Variants in ANKRD17 observed in about 807,000 individuals in gnomAD.
The protein encoded by ANKRD17 is ankyrin repeat domain 17.
Under a neutral mutation model 229.7 loss-of-function variants are expected in ANKRD17, and 19 were observed. That is an observed-to-expected ratio of 0.08 (90% CI 0.06 to 0.12). The LOEUF (loss-of-function observed/expected upper bound fraction) is 0.12, where lower values mean the gene tolerates loss of function less well. ANKRD17 is among the 10% of genes least tolerant of loss of function. The probability of loss-of-function intolerance (pLI) is 1.00; values close to 1 mark genes in which losing one functional copy is unlikely to be tolerated. For missense variants in ANKRD17, 2,176 were observed against 3,176.8 expected, an observed-to-expected ratio of 0.68 and a Z score of 7.57; for synonymous variants, 1,112 against 1,146.1, an observed-to-expected ratio of 0.97 and a Z score of 0.60.
At chr4:73,216,458 G>A (rs1161524082) in intron 1 of ANKRD17, among the ~76,000 whole-genome samples, 3 of 152,134 alleles carry the variant, frequency 2.0e-5, no homozygotes, top group Non-Finnish European at 4.4e-5. Flanking sequence ...AATAATCCCT[G>A]ACGCTCAAAT....
chr4:73,126,277 G>A lies in ANKRD17; in HGVS notation c.3235-965C>T, dbSNP rs1727457261. 2.0e-5 allele frequency among the ~76,000 whole-genome samples: 3 copies of A among 152,092 alleles called. No homozygotes were observed. The South Asian group carries it at 6.2e-4, about 32-fold the overall frequency. The stretch of plus-strand genomic sequence containing the variant: ...TGCATGAGGAAATTATCCCAGGCCA[G>A]GAAAGGACCACCAGAGAGAGTCAGG... On this transcript the variant is annotated intron_variant, in intron 16 of 33. Transcript: ENST00000358602.
intron 1 of ANKRD17, among the ~76,000 whole-genome samples, chr4:73,237,390 C>T (rs992392046): frequency 6.6e-5 from 10 of 152,222 alleles, no homozygotes; most frequent in African/African-American, 2.2e-4. Context: ...TATGAAAAGA[C>T]ATCTCACATA....
chr4:73,225,973 CTTTT>C (rs754977999), intron 1 of ANKRD17, among the ~76,000 whole-genome samples: 2 of 92,554 alleles, frequency 2.2e-5, no homozygotes, highest in Non-Finnish European at 4.0e-5. Context: ...GGCTCTTAAG[CTTTT>C]TTTTTTTTTT....
chr4:73,158,983 C>A (rs1269638043), intron 3 of ANKRD17, among the ~76,000 whole-genome samples: 1 of 152,188 alleles, frequency 6.6e-6, no homozygotes, highest in Non-Finnish European at 1.5e-5. Flanking sequence ...TCCTGTTACA[C>A]GCAACAGAAA....
At chr4:73,185,886 T>G (rs1444148540) in intron 1 of ANKRD17, among the ~76,000 whole-genome samples, 1 of 152,034 alleles carries the variant, frequency 6.6e-6, no homozygotes, top group Non-Finnish European at 1.5e-5. Context: ...AAAAACTGAA[T>G]ATTAAAAAGT....
At chr4:73,148,790 A>T in intron 8 of ANKRD17, 23 bp downstream of exon 8, 2 of 1,582,514 alleles carry the variant, frequency 1.3e-6, no homozygotes, top group Non-Finnish European at 1.7e-6. Flanking sequence ...TTTATACTTT[A>T]GTGTCTTGAT....
At chr4:73,206,836 C>G (rs1030586850) in intron 1 of ANKRD17, among the ~76,000 whole-genome samples, 2 of 151,374 alleles carry the variant, frequency 1.3e-5, no homozygotes, top group African/African-American at 4.8e-5. Flanking sequence ...ATTTTTTTTT[C>G]CCCCAAGACA....
At position 73,129,143 on chromosome 4, in the gene ANKRD17, GT is replaced by G. The variant is rs1201346099; in HGVS notation, c.3235-3832del. On this transcript the variant is annotated intron_variant, in intron 16 of 33. Coordinates refer to ENST00000358602, the MANE Select transcript of ANKRD17 (RefSeq NM_032217.5). ...TCCAGAGCTTTAAGAGCTCATTCAG[GT>G]TTCTATTCTAAAGAAAATTTCAGTT... 2.6e-5 allele frequency among the ~76,000 whole-genome samples: 4 copies of G among 152,202 alleles called. No homozygotes were observed. The East Asian group carries it at 7.7e-4, about 29-fold the overall frequency.
chr4:73,258,421 G>C lies in ANKRD17; in HGVS notation c.248C>G (p.Pro83Arg), dbSNP rs1290273200. The C allele has an allele frequency of 4.3e-6, 7 of 1,610,546 alleles. No homozygotes were observed. The highest frequency in any genetic ancestry group is 5.9e-6 in the Non-Finnish European group (7 of 1,179,346). The change falls in exon 1 of 34, where the codon CCC becomes CGC. Residue 83 changes from proline to arginine, a missense_variant. Pro to Arg is a moderately radical substitution (Grantham distance 103). This residue lies in a region of ANKRD17 where 196 missense variants were observed against 190.0 expected (regional missense o/e 1.03). Transcript: ENST00000358602. ...GTCGCTGCTGCTTTCGCTGCTGCTG[G>C]GGGGTCGGCAAGTCCGGTTACGCTT... The part of the protein sequence containing the change: ...KAKRNRTCRP[P>R]SSSESSSDSD...
rs746285449 is a variant in ANKRD17 at position 73,091,740 on chromosome 4, C to T, written c.5888G>A (p.Gly1963Asp). 3 of 1,614,066 alleles carry T rather than the reference C, an allele frequency of 1.9e-6. No homozygotes were observed. The highest frequency in any genetic ancestry group is 1.7e-5 in the Admixed American group (1 of 59,994). The change falls in exon 29 of 34, where the codon GGT becomes GAT. Residue 1963 changes from glycine to aspartate, a missense_variant. Physicochemically the swap from Gly to Asp is moderately conservative, Grantham distance 94. Around this residue, in one of 18 missense-constraint regions of ANKRD17, gnomAD observed 424 missense variants for 454.0 expected, o/e 0.93. Transcript: ENST00000358602. ...AGTTGTTGGGCTTGAAGTTAAAGAA[C>T]CTGCTGAATTCACCTGAGAACCACT... ...NSSGSQVNSA[G>D]SLTSSPTTTT...
chr4:73,078,508 A>G, intron 31 of ANKRD17, 134 bp downstream of exon 31: 1 of 1,108,866 alleles, frequency 9.0e-7, no homozygotes, highest in Non-Finnish European at 1.2e-6. Flanking sequence ...ATTGCACTCC[A>G]GCCTGAGCAA....
At chr4:73,184,335 C>G (rs867032435) in intron 1 of ANKRD17, among the ~76,000 whole-genome samples, 1 of 151,882 alleles carries the variant, frequency 6.6e-6, no homozygotes, top group South Asian at 2.1e-4. Flanking sequence ...TCGAGACCAG[C>G]CTGGCCAACA....
Position 73,208,477 on chromosome 4 carries a change from T to C in ANKRD17, c.394-30944A>G, listed in dbSNP as rs577685921. Among the ~76,000 whole-genome samples the C allele has an allele frequency of 1.1e-4, 17 of 152,326 alleles. No homozygotes were observed. The South Asian group carries it at 3.5e-3, about 32-fold the overall frequency. On this transcript the variant is annotated intron_variant, in intron 1 of 33. Coordinates refer to ENST00000358602, the MANE Select transcript of ANKRD17 (RefSeq NM_032217.5). The stretch of plus-strand genomic sequence containing the variant: ...AACTTTTAAATAACCCACATAGCCT[T>C]TCCCCAAAAGGGTTCCTTATATGAA...
intron 14 of ANKRD17, among the ~76,000 whole-genome samples, chr4:73,141,127 C>A (rs1729548950): frequency 6.6e-6 from 1 of 152,150 alleles, no homozygotes; most frequent in Non-Finnish European, 1.5e-5. Flanking sequence ...AAAATAAAAA[C>A]TGCACTGTTT....
At chr4:73,108,531 A>G (rs1012052229) in intron 24 of ANKRD17, among the ~76,000 whole-genome samples, 1 of 152,192 alleles carries the variant, frequency 6.6e-6, no homozygotes, top group African/African-American at 2.4e-5. Context: ...GACAGGTAGG[A>G]GGAAAAAAAG....
rs571347796 is a variant in ANKRD17, at chr4:73,258,206, C to CAG, written c.393+69_393+70insCT. 1.3e-4 allele frequency: 213 copies of CAG among 1,603,562 alleles called. 1 individual carries two copies. The South Asian group carries it at 1.6e-3, about 12-fold the overall frequency. ...CACTGGAATCTGTCCCACTCCAAATCCCCTCCCACCTTCGGCCCCTATCCC... is the reference window on the plus strand; with the variant it reads ...CACTGGAATCTGTCCCACTCCAAATCAGCCCTCCCACCTTCGGCCCCTATCCC... On this transcript the variant is annotated intron_variant, in intron 1 of 33. Coordinates refer to ENST00000358602, the MANE Select transcript of ANKRD17 (RefSeq NM_032217.5).
At chr4:73,258,185 G>A in intron 1 of ANKRD17, 91 bp downstream of exon 1, 3 of 1,582,786 alleles carry the variant, frequency 1.9e-6, no homozygotes, top group Non-Finnish European at 1.7e-6. Context: ...TCAACCCACT[G>A]GAATCTGTCC....
chr4:73,257,337 C>T (rs998800995), intron 1 of ANKRD17, among the ~76,000 whole-genome samples: 4 of 152,120 alleles, frequency 2.6e-5, no homozygotes, highest in Non-Finnish European at 4.4e-5. Context: ...GAATAAGGTC[C>T]TGCAACGCCG....
At chr4:73,112,581 G>T (rs1578084829) in intron 24 of ANKRD17, 1 of 507,088 alleles carries the variant, frequency 2.0e-6, no homozygotes, top group Non-Finnish European at 2.5e-6. Context: ...TCAGAAAATA[G>T]TATTTTCAAA....
Sources: allele counts gnomAD v4.1 joint callset (sites outside exome capture counted in the v4.1 genomes callset), GRCh38; gene constraint gnomAD v4.1.1; regional missense constraint gnomAD v4.1.1; transcripts MANE v1.5; gene names NCBI Gene and HGNC (gene_info 2026-07-23, HGNC 2026-07-21).